The following NRXN3 variants were observed in gnomAD, a reference collection of about 807,000 sequenced individuals.
NRXN3 encodes neurexin III.
In NRXN3, 32 loss-of-function variants were observed where a neutral mutation model predicts 137.6. That is an observed-to-expected ratio of 0.23 (90% confidence interval 0.18 to 0.31). The LOEUF (loss-of-function observed/expected upper bound fraction) is 0.31, where lower values mean the gene tolerates loss of function less well. Among genes scored for constraint, NRXN3 ranks in the 10% least tolerant of loss-of-function variants. The pLI is 1.00. For missense variants in NRXN3, 1,574 were observed against 2,062.5 expected, an observed-to-expected ratio of 0.76 and a Z score of 4.59; for synonymous variants, 798 against 784.5, an observed-to-expected ratio of 1.02 and a Z score of -0.29.
At chr14:79,679,125 T>C (rs2154008619) in intron 17 of NRXN3, among the ~76,000 whole-genome samples, 1 of 152,170 alleles carries the variant, frequency 6.6e-6, no homozygotes, top group Admixed American at 6.5e-5. Context: ...TTTCTTTAAA[T>C]CATGGATTTT....
intron 15 of NRXN3, among the ~76,000 whole-genome samples, chr14:79,011,224 A>G (rs572452559): frequency 6.6e-6 from 1 of 152,302 alleles, no homozygotes; most frequent in East Asian, 1.9e-4. Flanking sequence ...TAAATTCACT[A>G]GACACTGAGA....
intron 19 of NRXN3, among the ~76,000 whole-genome samples, chr14:79,758,050 T>G (rs2139316655): frequency 6.6e-6 from 1 of 152,264 alleles, no homozygotes; most frequent in East Asian, 1.9e-4. Flanking sequence ...AATTTGCTAG[T>G]TTTTTTGTTT....
At chr14:79,346,893 C>T (rs2092914837) in intron 15 of NRXN3, among the ~76,000 whole-genome samples, 1 of 152,130 alleles carries the variant, frequency 6.6e-6, no homozygotes, top group Non-Finnish European at 1.5e-5. Flanking sequence ...GTTTATCACC[C>T]CAGGCTCAAT....
chr14:78,852,989 C>G (rs1237967999), intron 10 of NRXN3, among the ~76,000 whole-genome samples: 1 of 151,804 alleles, frequency 6.6e-6, no homozygotes, highest in Non-Finnish European at 1.5e-5. Context: ...ACCCCCAGTT[C>G]CATCCATATT....
intron 4 of NRXN3, among the ~76,000 whole-genome samples, chr14:78,314,920 T>TTTCC (rs2078438855): frequency 8.6e-6 from 1 of 116,272 alleles, no homozygotes; most frequent in East Asian, 2.7e-4. Context: ...TCTTTCTTTC[T>TTTCC]TTCTTTCTTT....
chr14:79,549,776 A>G (rs1018274107), intron 16 of NRXN3, among the ~76,000 whole-genome samples: 2 of 152,004 alleles, frequency 1.3e-5, no homozygotes, highest in African/African-American at 4.8e-5. Flanking sequence ...CATTATTATG[A>G]CCTATTTAGT....
In NRXN3 at chr14:78,649,261, C is replaced by T. The variant is rs531782742; in HGVS notation, c.1060-1904C>T. The T allele has an allele frequency of 4.0e-5, 54 of 1,343,050 alleles. No individual in the cohort carries two copies. The Admixed American group carries it at 4.2e-4, about 11-fold the overall frequency. 83.2% of individuals were successfully genotyped at this position (1,343,050 alleles called of 1,614,324 possible). A position where few individuals can be genotyped will look rare whatever the true frequency, so the allele number is the denominator to read the frequency against. Reference sequence around the variant, plus strand: ...TTAATTTCCTTTCTTCCCCCTTCTCCGCAAAGCACTCAGGCATCGGACACG... The same window carrying T: ...TTAATTTCCTTTCTTCCCCCTTCTCTGCAAAGCACTCAGGCATCGGACACG... On this transcript the variant is annotated intron_variant, in intron 5 of 20. Coordinates refer to ENST00000335750, the MANE Select transcript of NRXN3 (RefSeq NM_001330195.2).
intron 8 of NRXN3, among the ~76,000 whole-genome samples, chr14:78,759,272 C>T (rs1344324881): frequency 6.6e-6 from 1 of 152,188 alleles, no homozygotes; most frequent in Non-Finnish European, 1.5e-5. Context: ...GTGATAACAA[C>T]AAGAATGATA....
chr14:78,872,062 GT>G (rs1375416597), intron 10 of NRXN3, among the ~76,000 whole-genome samples: 2 of 151,800 alleles, frequency 1.3e-5, no homozygotes, highest in African/African-American at 4.8e-5. Flanking sequence ...CACTCTTTTA[GT>G]TGTTTCTTCT....
At chr14:78,563,293 A>G (rs2152278880) in intron 4 of NRXN3, among the ~76,000 whole-genome samples, 1 of 152,364 alleles carries the variant, frequency 6.6e-6, no homozygotes, top group African/African-American at 2.4e-5. Flanking sequence ...GGGACTACAC[A>G]AAGGGAAATA....
chr14:79,807,155 G>A (rs1464891476), intron 20 of NRXN3, among the ~76,000 whole-genome samples: 1 of 150,776 alleles, frequency 6.6e-6, no homozygotes, highest in African/African-American at 2.4e-5. Context: ...TTTATTTTGT[G>A]TACAAATGCG....
intron 19 of NRXN3, among the ~76,000 whole-genome samples, chr14:79,721,757 A>T (rs1303385750): frequency 1.3e-5 from 2 of 152,022 alleles, no homozygotes; most frequent in African/African-American, 2.4e-5. Flanking sequence ...CAATATCTGG[A>T]TTTATTTTGT....
intron 11 of NRXN3, among the ~76,000 whole-genome samples, chr14:78,965,679 C>T (rs373849110): frequency 2.5e-4 from 38 of 152,122 alleles, no homozygotes; most frequent in Non-Finnish European, 4.4e-4. Flanking sequence ...TTACAAGGGT[C>T]AGAGCAACAA....
chr14:79,320,169 A>G (rs1472181517), intron 15 of NRXN3, among the ~76,000 whole-genome samples: 1 of 152,196 alleles, frequency 6.6e-6, no homozygotes, highest in Non-Finnish European at 1.5e-5. Context: ...TAATTACTAT[A>G]ATTTTTCAAT....
intron 16 of NRXN3, among the ~76,000 whole-genome samples, chr14:79,624,965 G>C (rs2098267779): frequency 1.3e-5 from 2 of 151,832 alleles, no homozygotes; most frequent in Admixed American, 6.6e-5. Flanking sequence ...CACCACACCT[G>C]GCTAATTGTT....
chr14:78,586,521 T>A (rs2097064275), intron 4 of NRXN3, among the ~76,000 whole-genome samples: 2 of 152,194 alleles, frequency 1.3e-5, no homozygotes, highest in Non-Finnish European at 2.9e-5. Flanking sequence ...ATCCAGTAAG[T>A]ATTCAGTAAA....
intron 15 of NRXN3, among the ~76,000 whole-genome samples, chr14:79,142,105 TA>T (rs1194251341): frequency 2.6e-5 from 4 of 152,240 alleles, no homozygotes; most frequent in African/African-American, 9.6e-5. Flanking sequence ...GAATTGAGTA[TA>T]AAATGATGAA....
In NRXN3 at chr14:78,940,087, C is replaced by G. The variant is rs572622919; in HGVS notation, c.2276-17155C>G. 5.3e-4 allele frequency among the ~76,000 whole-genome samples: 81 copies of G among 152,262 alleles called. 4 individuals carry two copies. The South Asian group carries it at 0.012, about 23-fold the overall frequency. Reference sequence around the variant, plus strand: ...GTTCTTGTAAGCAGGTTCTTAAAATCTCCTCCTGGCTACATCTTTAGACTC... The same window carrying G: ...GTTCTTGTAAGCAGGTTCTTAAAATGTCCTCCTGGCTACATCTTTAGACTC... On this transcript the variant is annotated intron_variant, in intron 10 of 20. Transcript: ENST00000335750.
intron 16 of NRXN3, among the ~76,000 whole-genome samples, chr14:79,615,230 G>C (rs2098141835): frequency 6.6e-6 from 1 of 152,166 alleles, no homozygotes; most frequent in African/African-American, 2.4e-5. Context: ...AAAAATTAAA[G>C]AAATAAATGT....
Sources: gnomAD v4.1 joint callset for allele counts (sites outside exome capture counted in the v4.1 genomes callset) on GRCh38, gnomAD v4.1.1 for gene constraint, MANE v1.5 for transcripts, NCBI Gene and HGNC (gene_info 2026-07-23, HGNC 2026-07-21) for gene names.